The following PTPRT variants were observed in gnomAD, a reference collection of about 807,000 sequenced individuals.
PTPRT encodes protein tyrosine phosphatase receptor type T, also known as receptor-type tyrosine-protein phosphatase T.
In PTPRT, 56 loss-of-function variants were observed where a neutral mutation model predicts 176.8. That is an observed-to-expected ratio of 0.32 (90% CI 0.26 to 0.40). The LOEUF (loss-of-function observed/expected upper bound fraction) is 0.40. PTPRT is among the 10% of genes least tolerant of loss of function. The probability of loss-of-function intolerance (pLI) is 1.00; values close to 1 mark genes in which losing one functional copy is unlikely to be tolerated. For synonymous variants in PTPRT, 783 were observed against 739.0 expected, an observed-to-expected ratio of 1.06 and a Z score of -0.96; for missense variants, 1,540 against 1,908.2, an observed-to-expected ratio of 0.81 and a Z score of 3.60.
chr20:42,980,185 G>C (rs1205492406), intron 1 of PTPRT, among the ~76,000 whole-genome samples: 1 of 152,164 alleles, frequency 6.6e-6, no homozygotes, highest in Non-Finnish European at 1.5e-5. Flanking sequence ...GTAGCTGCCA[G>C]TGAGCCTTTA....
chr20:42,216,103 CCTT>C (rs143384795), intron 15 of PTPRT, among the ~76,000 whole-genome samples: 6,935 of 152,256 alleles, frequency 0.046, 507 homozygotes, highest in African/African-American at 0.16. Context: ...GAGTGAACCT[CCTT>C]CTCCGTTCCA....
At chr20:42,795,084 G>C (rs2077434131) in intron 2 of PTPRT, among the ~76,000 whole-genome samples, 7 of 152,086 alleles carry the variant, frequency 4.6e-5, no homozygotes, top group Admixed American at 4.6e-4. Context: ...TCCCAGGGCT[G>C]TCAGTTTCCT....
intron 20 of PTPRT, among the ~76,000 whole-genome samples, chr20:42,119,415 C>T (rs368679763): frequency 8.6e-5 from 13 of 151,912 alleles, no homozygotes; most frequent in East Asian, 3.9e-4. Context: ...TTCTTATATG[C>T]GTCATTGTCT....
chr20:43,013,582 C>A (rs1985234314), intron 1 of PTPRT, among the ~76,000 whole-genome samples: 1 of 152,128 alleles, frequency 6.6e-6, no homozygotes, highest in Non-Finnish European at 1.5e-5. Context: ...AGAGACCCTA[C>A]CTTTTTGGAG....
At chr20:42,138,929 A>T (rs1988499945) in intron 18 of PTPRT, among the ~76,000 whole-genome samples, 1 of 152,114 alleles carries the variant, frequency 6.6e-6, no homozygotes, top group Non-Finnish European at 1.5e-5. Context: ...CCTCCACTCC[A>T]GCCTCACAGT....
At chr20:43,070,716 C>T (rs2011168407) in intron 1 of PTPRT, among the ~76,000 whole-genome samples, 3 of 151,964 alleles carry the variant, frequency 2.0e-5, no homozygotes, top group Admixed American at 2.0e-4. Context: ...TCGGCAAACT[C>T]TCGCAAGGAT....
At position 43,054,858 on chromosome 20, in the gene PTPRT, CT is replaced by C. The variant is rs1987177448; in HGVS notation, c.88+134787del. ...GATTTTTCTAAAGACCCATCTAGTTCTAACTCTCTATGATACTTGGTAGAGG... is the reference window on the plus strand; with the variant it reads ...GATTTTTCTAAAGACCCATCTAGTTCAACTCTCTATGATACTTGGTAGAGG... On this transcript the variant is annotated intron_variant, in intron 1 of 30. Coordinates refer to ENST00000373187, the MANE Select transcript of PTPRT (RefSeq NM_007050.6). Among the ~76,000 whole-genome samples the C allele has an allele frequency of 2.6e-5, 4 of 152,154 alleles. No homozygotes were observed. In the South Asian group the frequency reaches 8.3e-4, roughly 32 times the overall value.
chr20:42,231,138 A>C (rs1405632957), intron 15 of PTPRT, among the ~76,000 whole-genome samples: 1 of 152,048 alleles, frequency 6.6e-6, no homozygotes, highest in East Asian at 1.9e-4. Context: ...AATAGCTACC[A>C]CTTCTTATGC....
At chr20:42,278,397 C>A (rs983630098) in intron 13 of PTPRT, among the ~76,000 whole-genome samples, 1 of 151,342 alleles carries the variant, frequency 6.6e-6, no homozygotes, top group Non-Finnish European at 1.5e-5. Context: ...TGAAAGAAGA[C>A]CAGTGTGCCA....
At chr20:42,116,415 T>G (rs1382217886) in intron 21 of PTPRT, among the ~76,000 whole-genome samples, 1 of 152,112 alleles carries the variant, frequency 6.6e-6, no homozygotes, top group Non-Finnish European at 1.5e-5. Context: ...GGCAAATGGA[T>G]TCATTGTTTG....
intron 1 of PTPRT, among the ~76,000 whole-genome samples, chr20:43,088,536 G>C (rs888964413): frequency 3.9e-5 from 6 of 151,938 alleles, no homozygotes; most frequent in African/African-American, 9.7e-5. Flanking sequence ...ACACCATCAG[G>C]AAAGTACAGA....
chr20:42,677,076 G>A (rs2075517432), intron 7 of PTPRT, among the ~76,000 whole-genome samples: 1 of 152,178 alleles, frequency 6.6e-6, no homozygotes, highest in African/African-American at 2.4e-5. Context: ...AGACTCTTAG[G>A]TAGGGATAGG....
chr20:43,032,932 C>A (rs185653584), intron 1 of PTPRT, among the ~76,000 whole-genome samples: 1 of 152,282 alleles, frequency 6.6e-6, no homozygotes, highest in East Asian at 1.9e-4. Context: ...CTTGGCGGTT[C>A]TCTGGTCCAA....
intron 13 of PTPRT, among the ~76,000 whole-genome samples, chr20:42,266,016 G>T (rs931118854): frequency 6.6e-6 from 1 of 152,180 alleles, no homozygotes; most frequent in African/African-American, 2.4e-5. Flanking sequence ...AGGTACACAG[G>T]AAATAAAGGA....
intron 13 of PTPRT, among the ~76,000 whole-genome samples, chr20:42,278,282 T>A (rs1471249196): frequency 7.7e-6 from 1 of 130,000 alleles, no homozygotes; most frequent in Non-Finnish European, 1.5e-5. Context: ...TCTGTTAAGA[T>A]ATTTATCTAT....
chr20:43,104,759 A>C (rs1365885235), intron 1 of PTPRT, among the ~76,000 whole-genome samples: 1 of 152,224 alleles, frequency 6.6e-6, no homozygotes, highest in African/African-American at 2.4e-5. Context: ...ATAATTCAGT[A>C]GAGCAGACTC....
intron 9 of PTPRT, among the ~76,000 whole-genome samples, chr20:42,437,117 A>G (rs908578178): frequency 6.6e-6 from 1 of 152,236 alleles, no homozygotes; most frequent in African/African-American, 2.4e-5. Context: ...TATGTAGATC[A>G]TAAGTAAATG....
chr20:42,964,458 T>C (rs1196137476), intron 1 of PTPRT, among the ~76,000 whole-genome samples: 1 of 152,142 alleles, frequency 6.6e-6, no homozygotes, highest in Non-Finnish European at 1.5e-5. Context: ...ATATATCAAC[T>C]ATCATGACCT....
chr20:42,086,745 A>ATATAT (rs1568913226), intron 27 of PTPRT, among the ~76,000 whole-genome samples: 1 of 45,994 alleles, frequency 2.2e-5, no homozygotes, highest in African/African-American at 9.1e-5. Flanking sequence ...AAAAAAAAAA[A>ATATAT]AAAAAAAAAT....
Sources: gnomAD v4.1 joint callset for allele counts (sites outside exome capture counted in the v4.1 genomes callset) on GRCh38, gnomAD v4.1.1 for gene constraint, MANE v1.5 for transcripts, NCBI Gene and HGNC (gene_info 2026-07-23, HGNC 2026-07-21) for gene names.